The following ARSF variants were observed in gnomAD, a reference collection of about 807,000 sequenced individuals.
ARSF encodes arylsulfatase F.
Under a neutral mutation model 35.4 loss-of-function variants are expected in ARSF, and 33 were observed. The observed-to-expected ratio is 0.93, with a 90% CI of 0.71 to 1.25. The LOEUF is 1.25. Among genes scored for constraint, ARSF ranks in the 50% most tolerant of loss-of-function variants. The pLI is 0.00. For synonymous variants in ARSF, 222 were observed against 193.1 expected (o/e 1.15, Z -1.24); for missense variants, 501 against 480.2 (o/e 1.04, Z -0.40).
intron 8 of ARSF, 41 bp downstream of exon 8, chrX:3,101,262 A>C (rs1161142858): frequency 2.5e-6 from 3 of 1,178,921 alleles, no homozygotes; most frequent in Non-Finnish European, 3.4e-6. Context: ...GTGGTGAATA[A>C]GCTTTTTTGT....
chrX:3,076,881 C>A (rs1268407469), intron 4 of ARSF, among the ~76,000 whole-genome samples: 2 of 111,532 alleles, frequency 1.8e-5, no homozygotes, highest in Non-Finnish European at 3.8e-5. Flanking sequence ...CCCATCTCCA[C>A]AAAATTTTTT....
In ARSF at chrX:3,103,829, G is replaced by A. The variant is rs1030801163; in HGVS notation, c.1170G>A (p.Lys390=). 5 of 1,211,748 alleles carry A rather than the reference G, an allele frequency of 4.1e-6. No homozygotes were observed. The highest frequency in any genetic ancestry group is 1.8e-5 in the South Asian group (1 of 56,987). The change falls in exon 9 of 11, where the codon AAG becomes AAA. Residue 390 remains lysine (K), a synonymous_variant. Coordinates refer to ENST00000381127, the MANE Select transcript of ARSF (RefSeq NM_001201539.2). ...CAGGAATTGTCCGATGGCCTGGAAA[G>A]GTACCAGCTGGACGGTTGATTAAGG... ...RVPGIVRWPG[K]VPAGRLIKEP... is the part of the protein sequence containing the mutation.
At chrX:3,108,534 A>G (rs2090424241) in intron 9 of ARSF, among the ~76,000 whole-genome samples, 1 of 111,559 alleles carries the variant, frequency 9.0e-6, no homozygotes. Flanking sequence ...ATGCTTTCTC[A>G]TGTTATAGTA....
chrX:3,102,985 G>A (rs1171607834), intron 8 of ARSF, among the ~76,000 whole-genome samples: 1 of 111,693 alleles, frequency 9.0e-6, no homozygotes. Context: ...AATAAAATAA[G>A]AGTCAATTAA....
chrX:3,056,112 G>A (rs189980140), intron 1 of ARSF, among the ~76,000 whole-genome samples: 103 of 109,340 alleles, frequency 9.4e-4, no homozygotes, highest in Admixed American at 3.0e-3. Flanking sequence ...GTGTGCCACC[G>A]TGCCTGGATA....
chrX:3,043,840 G>A (rs765253516), intron 1 of ARSF, among the ~76,000 whole-genome samples: 10 of 111,351 alleles, frequency 9.0e-5, no homozygotes, highest in African/African-American at 3.3e-4. Flanking sequence ...GGAGCGCAGT[G>A]GTGTGATCTT....
chrX:3,109,234 C>T (rs373968913), intron 9 of ARSF, among the ~76,000 whole-genome samples: 2 of 110,051 alleles, frequency 1.8e-5, no homozygotes, highest in Admixed American at 9.8e-5. Flanking sequence ...CAGGAGAATC[C>T]CTTGAACCCG....
intron 1 of ARSF, among the ~76,000 whole-genome samples, chrX:3,054,796 C>T (rs140827850): frequency 2.8e-5 from 3 of 106,959 alleles, no homozygotes; most frequent in African/African-American, 1.0e-4. Flanking sequence ...TGCAACGGCA[C>T]GATCTCGGCT....
rs188839908 is a variant in ARSF, at chrX:3,080,934, A to C, written c.327A>C (p.Ala109=). The C allele has an allele frequency of 4.9e-5, 59 of 1,209,978 alleles. No homozygotes were observed. The African/African-American group carries it at 9.1e-4, about 19-fold the overall frequency. Residue 109 remains alanine (A), a synonymous_variant, in exon 5 of 11, where the codon GCA becomes GCC. Coordinates refer to ENST00000381127, the MANE Select transcript of ARSF (RefSeq NM_001201539.2). ...ATAGACGTGTCATCCAAAATCTTGC[A>C]GTCCCCGCAGGCCTCCCTCTTAATG... The part of the protein sequence containing the change: ...SGNRRVIQNL[A]VPAGLPLNET...
intron 9 of ARSF, among the ~76,000 whole-genome samples, chrX:3,105,919 G>A (rs1199384594): frequency 2.7e-5 from 3 of 112,122 alleles, no homozygotes; most frequent in Non-Finnish European, 5.6e-5. Context: ...TTAGGGAGAC[G>A]GCAAATGTCC....
At chrX:3,086,123 C>G (rs1424307671) in intron 6 of ARSF, among the ~76,000 whole-genome samples, 1 of 111,647 alleles carries the variant, frequency 9.0e-6, no homozygotes, top group Non-Finnish European at 1.9e-5. Flanking sequence ...TCCCTGGTAC[C>G]TTTCCAAATG....
At chrX:3,063,505 A>T (rs1290363046) in intron 1 of ARSF, among the ~76,000 whole-genome samples, 1 of 111,796 alleles carries the variant, frequency 8.9e-6, no homozygotes, top group Admixed American at 9.6e-5. Context: ...GGAAAAGAGG[A>T]AGTCGAATTG....
chrX:3,089,378 C>A, intron 6 of ARSF, 118 bp from the exon 7 acceptor site: 1 of 887,547 alleles, frequency 1.1e-6, no homozygotes. Flanking sequence ...TGGACCCACT[C>A]TATCTTCTGC....
intron 1 of ARSF, among the ~76,000 whole-genome samples, chrX:3,044,810 A>G (rs1355444588): frequency 9.2e-6 from 1 of 109,242 alleles, no homozygotes; most frequent in Non-Finnish European, 1.9e-5. Context: ...TTATGGGCAC[A>G]GGATAGGGGG....
intron 1 of ARSF, among the ~76,000 whole-genome samples, chrX:3,062,545 A>G (rs1280032464): frequency 9.0e-6 from 1 of 111,572 alleles, no homozygotes; most frequent in Non-Finnish European, 1.9e-5. Flanking sequence ...AACAAAATTG[A>G]TAGGCCGCTA....
At chrX:3,066,799 A>G (rs935704636) in intron 1 of ARSF, 3 of 110,711 alleles carry the variant, frequency 2.7e-5, no homozygotes, top group Non-Finnish European at 5.7e-5. Flanking sequence ...GGCAGCTGCC[A>G]AAAGAGGCAG....
At chrX:3,054,850 C>T (rs1421306848) in intron 1 of ARSF, among the ~76,000 whole-genome samples, 1 of 108,043 alleles carries the variant, frequency 9.3e-6, no homozygotes, top group African/African-American at 3.4e-5. Flanking sequence ...TCTCCTGCCT[C>T]AGCCTCCCGA....
At chrX:3,040,298 T>C (rs1043217888), upstream of ARSF, among the ~76,000 whole-genome samples, 1 of 111,508 alleles carries the variant, frequency 9.0e-6, no homozygotes, top group Non-Finnish European at 1.9e-5. Context: ...CGCAGGGCCA[T>C]TGGAAGCCCT....
intron 1 of ARSF, among the ~76,000 whole-genome samples, chrX:3,052,180 C>T (rs1434773317): frequency 4.5e-5 from 5 of 111,745 alleles, no homozygotes; most frequent in African/African-American, 9.8e-5. Context: ...GTTATAACAC[C>T]GAGCTTCTGC....
Sources: allele counts gnomAD v4.1 joint callset (sites outside exome capture counted in the v4.1 genomes callset), GRCh38; gene constraint gnomAD v4.1.1; transcripts MANE v1.5; gene names NCBI Gene and HGNC (gene_info 2026-07-23, HGNC 2026-07-21).